Variants in MARCHF4 observed in about 807,000 individuals in gnomAD.
MARCHF4 encodes the protein membrane associated ring-CH-type finger 4.
MARCHF4 carries 14 observed loss-of-function variants against 43.9 expected under a neutral mutation model. The observed-to-expected ratio is 0.32, with a 90% CI of 0.21 to 0.50. The LOEUF (loss-of-function observed/expected upper bound fraction) is 0.50, where lower values mean the gene tolerates loss of function less well. Ranked by LOEUF, MARCHF4 falls within the 20% of genes least tolerant of loss-of-function variation. The probability of loss-of-function intolerance (pLI) is 0.98; values close to 1 mark genes in which losing one functional copy is unlikely to be tolerated. For synonymous variants in MARCHF4, 226 were observed against 213.3 expected (o/e 1.06, Z -0.52); for missense variants, 468 against 536.7 (o/e 0.87, Z 1.27).
chr2:216,259,661 C>T lies in MARCHF4; in HGVS notation c.884G>A (p.Gly295Glu). The stretch of plus-strand genomic sequence containing the variant: ...TTTAAAGATGCGGTACACCGAGGGT[C>T]CTTCATGGATGATGAGACCTGAGGC... ...VVCIGLIIHE[G>E]PSVYRIFKRW... is the part of the protein sequence containing the mutation. The change falls in exon 4 of 4, where the codon GGA (glycine) becomes GAA (glutamate). Residue 295 changes from glycine to glutamate, a missense_variant. Physicochemically the swap from Gly to Glu is moderately conservative, Grantham distance 98. Coordinates refer to ENST00000273067, the MANE Select transcript of MARCHF4 (RefSeq NM_020814.3). The T allele has an allele frequency of 6.2e-7, 1 of 1,613,854 alleles. No individual in the cohort carries two copies. Among genetic ancestry groups the T allele is most frequent in the Non-Finnish European group, 8.5e-7 (1 of 1,179,782 alleles).
intron 1 of MARCHF4, among the ~76,000 whole-genome samples, chr2:216,300,216 T>C (rs928055405): frequency 1.3e-5 from 2 of 152,066 alleles, no homozygotes; most frequent in African/African-American, 4.8e-5. Flanking sequence ...CTATAATGTA[T>C]GTAAAATGTC....
intron 1 of MARCHF4, among the ~76,000 whole-genome samples, chr2:216,349,377 C>T (rs1692364876): frequency 6.6e-6 from 1 of 152,178 alleles, no homozygotes; most frequent in Non-Finnish European, 1.5e-5. Context: ...ATTACATTAC[C>T]TTTCTGAGCC....
chr2:216,349,898 A>G (rs73066491), intron 1 of MARCHF4, among the ~76,000 whole-genome samples: 12,547 of 152,120 alleles, frequency 0.082, 621 homozygotes, highest in African/African-American at 0.14. Flanking sequence ...ATGTAGGGTC[A>G]CTGGGTCAGG....
chr2:216,301,944 T>C (rs1295108687), intron 1 of MARCHF4, among the ~76,000 whole-genome samples: 3 of 152,164 alleles, frequency 2.0e-5, no homozygotes, highest in African/African-American at 7.2e-5. Context: ...TCTAGTGAAG[T>C]GACATAGAGA....
intron 3 of MARCHF4, among the ~76,000 whole-genome samples, chr2:216,263,462 AG>A (rs1157837282): frequency 7.0e-6 from 1 of 142,734 alleles, no homozygotes; most frequent in African/African-American, 2.7e-5. Context: ...AGAGAGAGAA[AG>A]AAAGAGAAAG....
chr2:216,272,035 T>C (rs762426149), intron 3 of MARCHF4, among the ~76,000 whole-genome samples: 6 of 150,612 alleles, frequency 4.0e-5, no homozygotes, highest in Non-Finnish European at 7.4e-5. Flanking sequence ...TCCCAGCATT[T>C]TGGGAGGCTT....
At chr2:216,289,783 G>T (rs1190695331) in intron 1 of MARCHF4, among the ~76,000 whole-genome samples, 1 of 152,184 alleles carries the variant, frequency 6.6e-6, no homozygotes, top group Non-Finnish European at 1.5e-5. Flanking sequence ...CCATGCTGTA[G>T]TTTGGAAATC....
intron 1 of MARCHF4, among the ~76,000 whole-genome samples, chr2:216,320,642 T>C (rs1691868938): frequency 8.5e-6 from 1 of 117,634 alleles, no homozygotes; most frequent in African/African-American, 3.9e-5. Flanking sequence ...TTTCTTTCTT[T>C]CTTTCTTTCT....
rs747981346 is a variant in MARCHF4 at position 216,370,017 on chromosome 2, G to C, written c.244C>G (p.Leu82Val). 5.2e-6 allele frequency: 8 copies of C among 1,541,760 alleles called. No individual in the cohort carries two copies. The highest frequency in any genetic ancestry group is 7.0e-6 in the Non-Finnish European group (8 of 1,139,820). ...GLAANNTLPA[L>V]GAGGWAGWRG... is the part of the protein sequence containing the mutation. ...CAGCCTGCCCACCCCCCGGCGCCCA[G>C]AGCCGGAAGGGTGTTGTTGGCCGCC... The change falls in exon 1 of 4, where the codon CTG becomes GTG. Residue 82 changes from leucine to valine, a missense_variant. Physicochemically the swap from Leu to Val is conservative, Grantham distance 32 (BLOSUM62 1). Transcript: ENST00000273067.
chr2:216,268,418 G>A (rs1041256314), intron 3 of MARCHF4, among the ~76,000 whole-genome samples: 1 of 152,206 alleles, frequency 6.6e-6, no homozygotes, highest in Non-Finnish European at 1.5e-5. Context: ...AGGGAGGGAG[G>A]TGATTGGATC....
At chr2:216,260,469 G>A (rs540761612) in intron 3 of MARCHF4, among the ~76,000 whole-genome samples, 1 of 152,320 alleles carries the variant, frequency 6.6e-6, no homozygotes, top group Non-Finnish European at 1.5e-5. Flanking sequence ...GCCTTTTGGA[G>A]GAGATCATAT....
At chr2:216,261,996 T>A (rs887189550) in intron 3 of MARCHF4, among the ~76,000 whole-genome samples, 2 of 152,134 alleles carry the variant, frequency 1.3e-5, no homozygotes, top group African/African-American at 4.8e-5. Flanking sequence ...AAATGGGAAA[T>A]GACCACCAGT....
At chr2:216,358,386 C>A (rs1335658076) in intron 1 of MARCHF4, among the ~76,000 whole-genome samples, 1 of 152,124 alleles carries the variant, frequency 6.6e-6, no homozygotes, top group Admixed American at 6.5e-5. Context: ...TTCCCAAATT[C>A]TTTTCCCTTT....
intron 1 of MARCHF4, among the ~76,000 whole-genome samples, chr2:216,367,930 C>A (rs1409065098): frequency 6.6e-6 from 1 of 151,884 alleles, no homozygotes; most frequent in Non-Finnish European, 1.5e-5. Flanking sequence ...CCCAACACAC[C>A]TCTGAGGAAA....
intron 1 of MARCHF4, among the ~76,000 whole-genome samples, chr2:216,352,763 T>C (rs372708391): frequency 6.6e-6 from 1 of 152,182 alleles, no homozygotes; most frequent in East Asian, 1.9e-4. Flanking sequence ...TGAGAAGCCA[T>C]CCCTGACCCT....
chr2:216,259,204 C>G lies in MARCHF4; in HGVS notation c.*108G>C. 1 of 1,474,550 alleles carries G rather than the reference C, an allele frequency of 6.8e-7. No homozygotes were observed. The allele number at this position is 1,474,550 out of a possible 1,614,324, so 91.3% of individuals were successfully genotyped here. ...CTACCCCAGGGCTCCCGCCAGGTCC[C>G]CCACCCTCTGCCTGCTCCCTCTGTT... On this transcript the variant is annotated 3_prime_UTR_variant, in exon 4 of 4. Transcript: ENST00000273067.
At chr2:216,291,931 T>C (rs997273526) in intron 1 of MARCHF4, among the ~76,000 whole-genome samples, 12 of 152,218 alleles carry the variant, frequency 7.9e-5, no homozygotes, top group Admixed American at 7.2e-4. Flanking sequence ...CCACATCCTC[T>C]CTGCCCATTG....
At chr2:216,304,911 G>A (rs902915686) in intron 1 of MARCHF4, among the ~76,000 whole-genome samples, 2 of 151,968 alleles carry the variant, frequency 1.3e-5, no homozygotes, top group African/African-American at 4.8e-5. Context: ...CCGAGATCAC[G>A]CCATTGTACT....
At chr2:216,343,493 A>T (rs552705560) in intron 1 of MARCHF4, among the ~76,000 whole-genome samples, 1 of 152,264 alleles carries the variant, frequency 6.6e-6, no homozygotes, top group South Asian at 2.1e-4. Flanking sequence ...TAATACCATC[A>T]CATCGGAGGT....
Sources: gnomAD v4.1 joint callset for allele counts (sites outside exome capture counted in the v4.1 genomes callset) on GRCh38, gnomAD v4.1.1 for gene constraint, MANE v1.5 for transcripts, NCBI Gene and HGNC (gene_info 2026-07-23, HGNC 2026-07-21) for gene names.